The following SFXN5 variants were observed in gnomAD, a reference collection of about 807,000 sequenced individuals.
SFXN5 encodes sideroflexin-5.
Under a neutral mutation model 50.2 loss-of-function variants are expected in SFXN5, and 43 were observed. That is an observed-to-expected ratio of 0.86 (90% CI 0.67 to 1.11). SFXN5 has a LOEUF of 1.11. Among genes scored for constraint, SFXN5 ranks in the 50% least tolerant of loss-of-function variants. The pLI, the probability that SFXN5 is intolerant of heterozygous loss-of-function variation, is 0.00. For synonymous variants in SFXN5, 203 were observed against 185.8 expected (o/e 1.09, Z -0.75); for missense variants, 463 against 454.1 (o/e 1.02, Z -0.18).
intron 12 of SFXN5, among the ~76,000 whole-genome samples, chr2:72,963,249 G>C (rs570467648): frequency 3.3e-5 from 5 of 152,294 alleles, no homozygotes; most frequent in African/African-American, 1.2e-4. Flanking sequence ...AGCAGTGAAG[G>C]GTGAGAAAAA....
intron 9 of SFXN5, among the ~76,000 whole-genome samples, chr2:72,994,410 G>A (rs1054327563): frequency 2.0e-5 from 3 of 152,120 alleles, no homozygotes; most frequent in African/African-American, 7.2e-5. Flanking sequence ...TGGTAGTGAA[G>A]GTTAACAGCC....
chr2:73,043,318 G>A (rs1239822618), intron 2 of SFXN5, among the ~76,000 whole-genome samples: 1 of 152,230 alleles, frequency 6.6e-6, no homozygotes, highest in Non-Finnish European at 1.5e-5. Context: ...CTCAGGAAGG[G>A]CCCTCAGTAG....
Position 72,998,965 on chromosome 2 carries a change from C to T in SFXN5, c.518G>A (p.Ser173Asn). 6.2e-7 allele frequency: 1 copy of T among 1,614,126 alleles called. No individual in the cohort carries two copies. The highest frequency in any genetic ancestry group is 8.5e-7 in the Non-Finnish European group (1 of 1,179,998). ...AGTACTCACAGCAATGGAGACGGCG[C>T]TGATGACAGCTCCCAGGTATCCCTG... is the stretch of plus-strand genomic sequence containing the variant. ...FIQGYLGAVI[S>N]AVSIAVGLNV... The change falls in exon 9 of 14, where the codon AGC becomes AAC. Residue 173 changes from serine (S) to asparagine (N), a missense_variant. Transcript: ENST00000272433.
chr2:73,001,646 A>G (rs999024168), intron 6 of SFXN5, 68 bp from the exon 7 acceptor site: 317 of 1,460,590 alleles, frequency 2.2e-4, no homozygotes, highest in South Asian at 4.2e-4. Flanking sequence ...CAAAGAAAAA[A>G]TACGCTACCA....
intron 10 of SFXN5, among the ~76,000 whole-genome samples, chr2:72,987,619 G>A (rs1672071335): frequency 6.6e-6 from 1 of 151,978 alleles, no homozygotes; most frequent in Non-Finnish European, 1.5e-5. Flanking sequence ...GATGGGCATG[G>A]TGGCGCATGC....
At chr2:72,986,983 A>G (rs1671995627) in intron 10 of SFXN5, among the ~76,000 whole-genome samples, 1 of 152,254 alleles carries the variant, frequency 6.6e-6, no homozygotes, top group Non-Finnish European at 1.5e-5. Context: ...CCACTCTGGT[A>G]GTCTAGTGAG....
At chr2:73,025,341 A>G (rs996333912) in intron 3 of SFXN5, among the ~76,000 whole-genome samples, 2 of 152,078 alleles carry the variant, frequency 1.3e-5, no homozygotes, top group Admixed American at 6.5e-5. Flanking sequence ...ATTCACAGTC[A>G]GGCCACTCAC....
chr2:72,982,968 C>T (rs892322078), intron 10 of SFXN5, among the ~76,000 whole-genome samples: 8 of 152,200 alleles, frequency 5.3e-5, no homozygotes, highest in African/African-American at 1.9e-4. Context: ...GCACCACTGA[C>T]CTTGATGGAT....
chr2:72,998,716 C>G, intron 9 of SFXN5: 2 of 550,660 alleles, frequency 3.6e-6, no homozygotes, highest in Non-Finnish European at 6.5e-6. Flanking sequence ...TCAGTGCCCC[C>G]AGGCACAACC....
intron 6 of SFXN5, among the ~76,000 whole-genome samples, chr2:73,015,246 G>A (rs931293337): frequency 6.6e-6 from 1 of 152,078 alleles, no homozygotes; most frequent in Admixed American, 6.5e-5. Context: ...CAGTTTCTCA[G>A]TGTGATCAAC....
intron 13 of SFXN5, among the ~76,000 whole-genome samples, chr2:72,954,575 G>A (rs1026350808): frequency 2.0e-5 from 3 of 152,120 alleles, no homozygotes; most frequent in Middle Eastern, 3.2e-3. Context: ...CTACAAGGGC[G>A]CCCCAGGGCC....
At chr2:73,001,685 T>A in intron 6 of SFXN5, 107 bp from the exon 7 acceptor site, 1 of 1,083,294 alleles carries the variant, frequency 9.2e-7, no homozygotes, top group South Asian at 1.3e-5. Context: ...CTGTACAAAC[T>A]GATGTGGTAT....
In SFXN5 at chr2:73,038,790, T is replaced by C. The variant is rs544412942; in HGVS notation, c.249+2064A>G. On this transcript the variant is annotated intron_variant, in intron 3 of 13. Transcript: ENST00000272433. ...TTATATCCTTATTCTGTAAGTTTTCTATTTTAAAACTTTCAACTTTTTTTT... is the reference window on the plus strand; with the variant it reads ...TTATATCCTTATTCTGTAAGTTTTCCATTTTAAAACTTTCAACTTTTTTTT... Among the ~76,000 whole-genome samples, 4 of 152,362 alleles carry C rather than the reference T, an allele frequency of 2.6e-5. No individual in the cohort carries two copies. The South Asian group carries it at 6.2e-4, about 24-fold the overall frequency.
intron 10 of SFXN5, among the ~76,000 whole-genome samples, chr2:72,978,692 C>A (rs1268773923): frequency 1.3e-5 from 2 of 152,140 alleles, no homozygotes; most frequent in Admixed American, 6.5e-5. Context: ...GCCCACCTGG[C>A]AATATTTAAT....
chr2:72,942,811 G>A lies in SFXN5; in HGVS notation c.*2211C>T, dbSNP rs988802425. 6.9e-6 allele frequency: 1 copy of A among 144,842 alleles called. No homozygotes were observed. Among genetic ancestry groups the A allele is most frequent in the African/African-American group, 2.5e-5 (1 of 40,318 alleles). The allele number at this position is 144,842 out of a possible 1,614,324, so 9.0% of individuals were successfully genotyped here. A position where few individuals can be genotyped will look rare whatever the true frequency, so the allele number is the denominator to read the frequency against. On this transcript the variant is annotated 3_prime_UTR_variant, in exon 14 of 14. Transcript: ENST00000272433. ...AGCAAATGAGTTATGAGATGCTGAG[G>A]CCACAGGCTGGGCCAGGGCACCAGG...
At chr2:73,024,903 T>C (rs1677368208) in intron 3 of SFXN5, among the ~76,000 whole-genome samples, 1 of 152,218 alleles carries the variant, frequency 6.6e-6, no homozygotes, top group South Asian at 2.1e-4. Flanking sequence ...TTAAAGTTTA[T>C]GCATTTTTCT....
At chr2:72,965,049 C>G (rs1194382764) in intron 12 of SFXN5, among the ~76,000 whole-genome samples, 1 of 152,238 alleles carries the variant, frequency 6.6e-6, no homozygotes, top group Non-Finnish European at 1.5e-5. Context: ...CAAGACCACC[C>G]TGGCCTGCCA....
chr2:72,966,686 C>T (rs1674453047), intron 12 of SFXN5, among the ~76,000 whole-genome samples: 1 of 152,170 alleles, frequency 6.6e-6, no homozygotes, highest in African/African-American at 2.4e-5. Context: ...ACCTCAGTGT[C>T]TATACCACAG....
At chr2:72,988,803 A>G (rs1216726946) in intron 9 of SFXN5, among the ~76,000 whole-genome samples, 3 of 151,982 alleles carry the variant, frequency 2.0e-5, no homozygotes, top group African/African-American at 7.3e-5. Context: ...GTGTGGGCCC[A>G]GCCAGACCAT....
Sources: gnomAD v4.1 joint callset for allele counts (sites outside exome capture counted in the v4.1 genomes callset) on GRCh38, gnomAD v4.1.1 for gene constraint, MANE v1.5 for transcripts, NCBI Gene and HGNC (gene_info 2026-07-23, HGNC 2026-07-21) for gene names.